Variants in CLCNKA observed in about 807,000 individuals in gnomAD.
The protein encoded by CLCNKA is chloride voltage-gated channel Ka.
Under a neutral mutation model 83.3 loss-of-function variants are expected in CLCNKA, and 66 were observed. That is an observed-to-expected ratio of 0.79 (90% CI 0.65 to 0.97). The LOEUF (loss-of-function observed/expected upper bound fraction) is 0.97, where lower values mean the gene tolerates loss of function less well. CLCNKA is among the 50% of genes least tolerant of loss of function. The probability of loss-of-function intolerance (pLI) is 0.00; values close to 1 mark genes in which losing one functional copy is unlikely to be tolerated. For missense variants in CLCNKA, 806 were observed against 888.7 expected (o/e 0.91, Z 1.18); for synonymous variants, 357 against 370.4 (o/e 0.96, Z 0.42).
At chr1:16,033,575 A>G (rs1557458809) in intron 19 of CLCNKA, 36 bp from the exon 20 acceptor site, 4 of 777,308 alleles carry the variant, frequency 5.1e-6, no homozygotes, top group South Asian at 4.0e-5. Context: ...CCTCCTCTAC[A>G]TCCCCCCCCA....
chr1:16,027,417 G>A lies in CLCNKA; in HGVS notation c.763G>A (p.Val255Ile). ...CGAFIFRLLA[V>I]FNSEQETITS... The stretch of plus-strand genomic sequence containing the variant: ...GGCCTTCATATTCCGGCTCCTGGCA[G>A]TCTTCAACAGCGAGCAGGGTGAGCC... Residue 255 changes from valine to isoleucine, a missense_variant, in exon 8 of 20, where the codon GTC becomes ATC. Val to Ile is a conservative substitution (Grantham distance 29). Transcript: ENST00000331433. 1.2e-6 allele frequency: 2 copies of A among 1,614,056 alleles called. No individual in the cohort carries two copies.
intron 12 of CLCNKA, 40 bp downstream of exon 12, chr1:16,029,339 C>G: frequency 6.2e-7 from 1 of 1,613,256 alleles, no homozygotes; most frequent in Non-Finnish European, 8.5e-7. Flanking sequence ...GAGCCAGGAC[C>G]AGCTCTGGTG....
chr1:16,032,963 C>T (rs2022692050), intron 18 of CLCNKA, among the ~76,000 whole-genome samples: 1 of 152,178 alleles, frequency 6.6e-6, no homozygotes, highest in African/African-American at 2.4e-5. Context: ...GATGTTGGGT[C>T]CTGTCCACTT....
intron 7 of CLCNKA, 168 bp downstream of exon 7, chr1:16,026,943 C>A: frequency 1.1e-6 from 1 of 902,168 alleles, no homozygotes; most frequent in Non-Finnish European, 1.7e-6. Context: ...CGGGGCGGGG[C>A]GGGTGGTTGG....
intron 11 of CLCNKA, 122 bp from the exon 12 acceptor site, chr1:16,029,004 C>A (rs1307905246): frequency 3.3e-6 from 5 of 1,525,830 alleles, no homozygotes; most frequent in Non-Finnish European, 1.8e-6. Context: ...GAGCCCTGCC[C>A]AAGGCCCCCC....
At chr1:16,027,672 C>A in intron 8 of CLCNKA, 149 bp from the exon 9 acceptor site, 3 of 1,552,774 alleles carry the variant, frequency 1.9e-6, no homozygotes, top group Non-Finnish European at 2.6e-6. Flanking sequence ...GGCAGGGAGG[C>A]AAGAGCCTGG....
At chr1:16,027,974 G>A (rs759150905) in intron 9 of CLCNKA, 44 bp from the exon 10 acceptor site, 1 of 1,614,040 alleles carries the variant, frequency 6.2e-7, no homozygotes, top group Admixed American at 1.7e-5. Context: ...TGCGGCCCCT[G>A]GTACTGGGGT....
intron 18 of CLCNKA, among the ~76,000 whole-genome samples, chr1:16,032,768 G>A (rs2022683501): frequency 6.6e-6 from 1 of 152,268 alleles, no homozygotes; most frequent in Non-Finnish European, 1.5e-5. Flanking sequence ...GGTGGAGAAA[G>A]ACAGTGGAGT....
rs1396452873 is a variant in CLCNKA at position 16,027,440 on chromosome 1, G to A, written c.781+5G>A. The A allele has an allele frequency of 1.2e-6, 2 of 1,613,496 alleles. No individual in the cohort carries two copies. Among genetic ancestry groups the A allele is most frequent in the Non-Finnish European group, 1.7e-6 (2 of 1,179,916 alleles). On this transcript the variant is annotated splice_donor_5th_base_variant and intron_variant, in intron 8 of 19. Transcript: ENST00000331433. ...CAGTCTTCAACAGCGAGCAGGGTGA[G>A]CCCCCTGGGCTGCCTGACCCTGGCC...
intron 14 of CLCNKA, 61 bp downstream of exon 14, chr1:16,030,136 A>G: frequency 7.7e-7 from 1 of 1,297,832 alleles, no homozygotes; most frequent in East Asian, 2.3e-5. Flanking sequence ...GACCTGGAGA[A>G]TTGGCTGGTG....
rs149627551 is a variant in CLCNKA, at chr1:16,030,541, C to A, written c.1489C>A (p.His497Asn). The change falls in exon 15 of 20, where the codon CAT becomes AAT. Residue 497 changes from histidine (H) to asparagine (N), a missense_variant. Coordinates refer to ENST00000331433, the MANE Select transcript of CLCNKA (RefSeq NM_004070.4). ...CTTTGAGCTGACCGGCCAGATAGTG[C>A]ATGCACTGCCCGTGCTGATGGCGGT... ...LAFELTGQIV[H>N]ALPVLMAVLA... is the part of the protein sequence containing the mutation. 1.2e-6 allele frequency: 2 copies of A among 1,613,042 alleles called. No homozygotes were observed. Among genetic ancestry groups the A allele is most frequent in the East Asian group, 2.2e-5 (1 of 44,898 alleles).
At position 16,032,498 on chromosome 1, in the gene CLCNKA, C is replaced by G. The variant is rs200446764; in HGVS notation, c.1901C>G (p.Thr634Arg). The change falls in exon 18 of 20, where the codon ACG (threonine) becomes AGG (arginine). Residue 634 changes from threonine (T) to arginine (R), a missense_variant. By Grantham distance (71) the Thr-to-Arg change is moderately conservative. Transcript: ENST00000331433. The part of the protein sequence containing the change: ...RGCPTEPVTL[T>R]LFSETTLHQA... ...TGCCCCACGGAACCAGTGACCCTGA[C>G]GCTATTCTCAGAGACCACCTTGCAC... The G allele has an allele frequency of 8.1e-6, 13 of 1,613,160 alleles. No individual in the cohort carries two copies. Among genetic ancestry groups the G allele is most frequent in the Non-Finnish European group, 1.1e-5 (13 of 1,179,804 alleles).
chr1:16,030,390 A>C, intron 14 of CLCNKA, 71 bp from the exon 15 acceptor site: 2 of 1,561,336 alleles, frequency 1.3e-6, no homozygotes, highest in Non-Finnish European at 1.8e-6. Flanking sequence ...CAGCCAGGCT[A>C]GTTATTCCCT....
At chr1:16,033,582 C>T (rs375869037) in intron 19 of CLCNKA, 29 bp from the exon 20 acceptor site, 19 of 1,049,260 alleles carry the variant, frequency 1.8e-5, no homozygotes, top group East Asian at 1.1e-4. Flanking sequence ...TACATCCCCC[C>T]CCACCTCCAC....
At position 16,022,629 on chromosome 1, in the gene CLCNKA, TTGG is replaced by T. The variant is rs2022178289; in HGVS notation, c.14_16del (p.Val5del). 2 of 1,564,514 alleles carry T rather than the reference TTGG, an allele frequency of 1.3e-6. No individual in the cohort carries two copies. The highest frequency in any genetic ancestry group is 1.7e-6 in the Non-Finnish European group (2 of 1,154,136). On this transcript the variant is annotated inframe_deletion, in exon 2 of 20. Coordinates refer to ENST00000331433, the MANE Select transcript of CLCNKA (RefSeq NM_004070.4). ...CTTCTCCAGGGGCCTGATGGAGGAG[TTGG>T]TGGGGCTGCGTGAGGGCTTCTCAGG...
intron 18 of CLCNKA, among the ~76,000 whole-genome samples, 175 bp downstream of exon 18, chr1:16,032,701 G>A (rs188490886): frequency 3.2e-4 from 48 of 152,252 alleles, no homozygotes; most frequent in African/African-American, 1.2e-3. Flanking sequence ...TGCCAGGGTT[G>A]CGGGGATGAT....
Position 16,032,503 on chromosome 1 carries a change from T to C in CLCNKA, c.1906T>C (p.Phe636Leu). The C allele has an allele frequency of 1.2e-6, 2 of 1,613,162 alleles. No individual in the cohort carries two copies. The highest frequency in any genetic ancestry group is 1.7e-6 in the Non-Finnish European group (2 of 1,179,802). Residue 636 changes from phenylalanine to leucine, a missense_variant, in exon 18 of 20, where the codon TTC becomes CTC. Transcript: ENST00000331433. ...CPTEPVTLTLFSETTLHQAQN... is the reference protein window; with the variant it reads ...CPTEPVTLTLLSETTLHQAQN... ...CACGGAACCAGTGACCCTGACGCTA[T>C]TCTCAGAGACCACCTTGCACCAGGT... is the stretch of plus-strand genomic sequence containing the variant.
chr1:16,030,435 C>T (rs753097203), intron 14 of CLCNKA, 26 bp from the exon 15 acceptor site: 45 of 1,611,636 alleles, frequency 2.8e-5, no homozygotes, highest in Admixed American at 1.7e-4. Context: ...TGGCCTGAGC[C>T]GACCTGTGTG....
Position 16,024,762 on chromosome 1 carries a change from G to T in CLCNKA, c.230-1G>T. 6.2e-7 allele frequency: 1 copy of T among 1,613,990 alleles called. No homozygotes were observed. The highest frequency in any genetic ancestry group is 2.2e-5 in the East Asian group (1 of 44,878). ...CCTCCCTGATACGCGGCTGTCCCCA[G>T]CACACCAGTGGCTGTACAGGGAGAT... On this transcript the variant is annotated splice_acceptor_variant, in intron 3 of 19. Transcript: ENST00000331433. LOFTEE classifies it high-confidence loss of function.
Sources: allele counts gnomAD v4.1 joint callset (sites outside exome capture counted in the v4.1 genomes callset), GRCh38; gene constraint gnomAD v4.1.1; transcripts MANE v1.5; gene names NCBI Gene and HGNC (gene_info 2026-07-23, HGNC 2026-07-21).